The following ADGRL3 variants were observed in gnomAD, a reference collection of about 807,000 sequenced individuals.
ADGRL3 encodes the protein calcium-independent alpha-latrotoxin receptor 3.
A neutral mutation model predicts 153.5 loss-of-function variants in ADGRL3; 62 were observed. That is an observed-to-expected ratio of 0.40 (90% CI 0.33 to 0.50). ADGRL3 has a LOEUF of 0.50. ADGRL3 is among the 20% of genes least tolerant of loss of function. The probability of loss-of-function intolerance (pLI) is 0.47; values close to 1 mark genes in which losing one functional copy is unlikely to be tolerated. For synonymous variants in ADGRL3, 710 were observed against 672.5 expected, an observed-to-expected ratio of 1.06 and a Z score of -0.86; for missense variants, 1,641 against 1,859.4, an observed-to-expected ratio of 0.88 and a Z score of 2.16.
At chr4:61,238,114 T>A (rs1412830618) in intron 1 of ADGRL3, among the ~76,000 whole-genome samples, 1 of 152,202 alleles carries the variant, frequency 6.6e-6, no homozygotes, top group Non-Finnish European at 1.5e-5. Context: ...AATTAGCAGA[T>A]GCTGAGATTA....
chr4:61,291,577 T>C (rs1296270096), intron 1 of ADGRL3, among the ~76,000 whole-genome samples: 24 of 14,920 alleles, frequency 1.6e-3, no homozygotes, highest in African/African-American at 3.4e-3. Context: ...CATATATATA[T>C]ATATACATAT....
chr4:61,646,260 C>T (rs138579906), intron 5 of ADGRL3, among the ~76,000 whole-genome samples: 26,018 of 152,070 alleles, frequency 0.17, 2,627 homozygotes, highest in Non-Finnish European at 0.23. Context: ...GTAATTTGAT[C>T]GTCTGAAGCC....
At chr4:61,277,728 A>G (rs547035603) in intron 1 of ADGRL3, among the ~76,000 whole-genome samples, 1 of 152,314 alleles carries the variant, frequency 6.6e-6, no homozygotes, top group South Asian at 2.1e-4. Context: ...AAAATAGGAT[A>G]ATGATATCTA....
At chr4:61,972,550 G>C (rs2099032395) in intron 17 of ADGRL3, among the ~76,000 whole-genome samples, 1 of 152,130 alleles carries the variant, frequency 6.6e-6, no homozygotes, top group Non-Finnish European at 1.5e-5. Flanking sequence ...ATGCTGTTTT[G>C]GTTACTGTAG....
At chr4:61,583,707 A>C (rs1479598599) in intron 4 of ADGRL3, 1 of 518,532 alleles carries the variant, frequency 1.9e-6, no homozygotes, top group African/African-American at 1.9e-5. Flanking sequence ...GAGTAGTTCC[A>C]AAGTGTGGCA....
At chr4:61,613,049 A>G (rs547656885) in intron 5 of ADGRL3, among the ~76,000 whole-genome samples, 3 of 152,274 alleles carry the variant, frequency 2.0e-5, no homozygotes, top group African/African-American at 7.2e-5. Context: ...GTAATTTAAC[A>G]GAAGTGTTAA....
At chr4:61,789,421 G>C (rs2097315102) in intron 8 of ADGRL3, among the ~76,000 whole-genome samples, 1 of 152,054 alleles carries the variant, frequency 6.6e-6, no homozygotes, top group Non-Finnish European at 1.5e-5. Context: ...AGCGTGCTGA[G>C]TAAAGCAATT....
intron 9 of ADGRL3, among the ~76,000 whole-genome samples, chr4:61,853,940 G>A (rs539758465): frequency 1.3e-5 from 2 of 152,192 alleles, no homozygotes; most frequent in African/African-American, 4.8e-5. Context: ...CTATTACTTG[G>A]CATTGCAAGC....
chr4:61,793,749 T>C (rs2097372532), intron 8 of ADGRL3, among the ~76,000 whole-genome samples: 1 of 152,170 alleles, frequency 6.6e-6, no homozygotes, highest in South Asian at 2.1e-4. Flanking sequence ...CGATAAGTTA[T>C]AAAGTATAGT....
intron 4 of ADGRL3, among the ~76,000 whole-genome samples, chr4:61,570,290 T>C (rs2098833204): frequency 6.6e-6 from 1 of 152,152 alleles, no homozygotes; most frequent in Admixed American, 6.6e-5. Context: ...GTCCCTTGTG[T>C]CCACATCCTG....
At chr4:62,003,348 C>CT (rs1429224571) in intron 21 of ADGRL3, among the ~76,000 whole-genome samples, 3 of 151,900 alleles carry the variant, frequency 2.0e-5, no homozygotes, top group African/African-American at 4.8e-5. Flanking sequence ...ACACCTTTTA[C>CT]TTTTTTTTCT....
intron 1 of ADGRL3, among the ~76,000 whole-genome samples, chr4:61,252,755 A>G (rs1283806103): frequency 6.6e-6 from 1 of 151,732 alleles, no homozygotes; most frequent in Non-Finnish European, 1.5e-5. Context: ...TCAGTAGTTA[A>G]TGATACTATT....
intron 4 of ADGRL3, among the ~76,000 whole-genome samples, chr4:61,549,093 G>A (rs2098728358): frequency 6.6e-6 from 1 of 151,870 alleles, no homozygotes; most frequent in Admixed American, 6.6e-5. Context: ...TATTCTTTTT[G>A]TGGCTATTGT....
chr4:61,668,596 A>C (rs1338468200), intron 5 of ADGRL3, among the ~76,000 whole-genome samples: 1 of 152,258 alleles, frequency 6.6e-6, no homozygotes, highest in East Asian at 1.9e-4. Flanking sequence ...GAATATAGGA[A>C]ATGAAAGAAT....
At chr4:61,359,438 A>G (rs2096248733) in intron 1 of ADGRL3, among the ~76,000 whole-genome samples, 1 of 151,964 alleles carries the variant, frequency 6.6e-6, no homozygotes, top group Non-Finnish European at 1.5e-5. Flanking sequence ...GATCCCTCCT[A>G]CCATTCTTCT....
intron 24 of ADGRL3, among the ~76,000 whole-genome samples, chr4:62,040,174 GAAGT>G (rs1447420334): frequency 6.6e-6 from 1 of 151,976 alleles, no homozygotes; most frequent in Non-Finnish European, 1.5e-5. Flanking sequence ...TAAGAAGATT[GAAGT>G]AATATACACA....
At chr4:61,765,804 A>G (rs1261935361) in intron 8 of ADGRL3, among the ~76,000 whole-genome samples, 1 of 152,126 alleles carries the variant, frequency 6.6e-6, no homozygotes, top group Non-Finnish European at 1.5e-5. Context: ...TGGGTGGGGC[A>G]AATCCTCGAG....
intron 2 of ADGRL3, among the ~76,000 whole-genome samples, chr4:61,405,186 T>A (rs1294788739): frequency 6.6e-6 from 1 of 151,984 alleles, no homozygotes; most frequent in Non-Finnish European, 1.5e-5. Flanking sequence ...TATGGAGAAT[T>A]CAGAAATAAT....
At chr4:61,458,675 AT>A (rs1177925152) in intron 2 of ADGRL3, among the ~76,000 whole-genome samples, 1 of 151,628 alleles carries the variant, frequency 6.6e-6, no homozygotes, top group Non-Finnish European at 1.5e-5. Flanking sequence ...AATTTACCTT[AT>A]CAAATTAATC....
Sources: allele counts gnomAD v4.1 joint callset (sites outside exome capture counted in the v4.1 genomes callset), GRCh38; gene constraint gnomAD v4.1.1; transcripts MANE v1.5; gene names NCBI Gene and HGNC (gene_info 2026-07-23, HGNC 2026-07-21).